The following NIPSNAP1 variants were observed in gnomAD, a reference collection of about 807,000 sequenced individuals.
NIPSNAP1 encodes the protein protein NipSnap homolog 1.
A neutral mutation model predicts 49.2 loss-of-function variants in NIPSNAP1; 25 were observed. That is an observed-to-expected ratio of 0.51 (90% CI 0.37 to 0.71). The LOEUF (loss-of-function observed/expected upper bound fraction) is 0.71. Among genes scored for constraint, NIPSNAP1 ranks in the 30% least tolerant of loss-of-function variants. NIPSNAP1 has a pLI of 0.00. For missense variants in NIPSNAP1, 294 were observed against 361.0 expected, an observed-to-expected ratio of 0.81 and a Z score of 1.50; for synonymous variants, 143 against 140.7, an observed-to-expected ratio of 1.02 and a Z score of -0.12.
At chr22:29,572,150 A>C (rs1218116974) in intron 1 of NIPSNAP1, among the ~76,000 whole-genome samples, 1 of 151,800 alleles carries the variant, frequency 6.6e-6, no homozygotes, top group Non-Finnish European at 1.5e-5. Flanking sequence ...TAAAAATACA[A>C]AAATCAGCCA....
chr22:29,561,537 T>C lies in NIPSNAP1; in HGVS notation c.548A>G (p.Asn183Ser), dbSNP rs2064335671. 2.5e-6 allele frequency: 4 copies of C among 1,614,000 alleles called. No homozygotes were observed. Among genetic ancestry groups the C allele is most frequent in the Non-Finnish European group, 3.4e-6 (4 of 1,180,024 alleles). ...WNEPQPRMGP[N>S]IYELRTYKLK... ...CTTGTATGTCCTCAGCTCATAGATG[T>C]TGGGACCCATTCTGGGCTGTGGCTC... Residue 183 changes from asparagine (N) to serine (S), a missense_variant, in exon 6 of 10, where the codon AAC becomes AGC. Asn to Ser is a conservative substitution (Grantham distance 46). Transcript: ENST00000216121.
chr22:29,572,923 T>C (rs2064421399), intron 1 of NIPSNAP1, among the ~76,000 whole-genome samples: 1 of 151,638 alleles, frequency 6.6e-6, no homozygotes, highest in Admixed American at 6.6e-5. Flanking sequence ...AAGGCTACAA[T>C]GAACTATGAT....
In NIPSNAP1 at chr22:29,560,813, C is replaced by T; in HGVS notation, c.627G>A (p.Lys209=). ...EWGNNWARAI[K]YRQENQEAVG... ...CTGCCTCCTGGTTCTCCTGCCGGTA[C>T]TTGATGGCCCGAGCCCTGGAGAAGG... The change falls in exon 8 of 10, where the codon AAG becomes AAA. Residue 209 remains lysine (K), a synonymous_variant. Coordinates refer to ENST00000216121, the MANE Select transcript of NIPSNAP1 (RefSeq NM_003634.4). 2 of 1,614,100 alleles carry T rather than the reference C, an allele frequency of 1.2e-6. No homozygotes were observed. Among genetic ancestry groups the T allele is most frequent in the Non-Finnish European group, 1.7e-6 (2 of 1,180,022 alleles).
intron 3 of NIPSNAP1, 36 bp from the exon 4 acceptor site, chr22:29,569,323 T>A (rs369353591): frequency 6.6e-7 from 1 of 1,508,616 alleles, no homozygotes; most frequent in Non-Finnish European, 9.2e-7. Context: ...AGGGTTCACA[T>A]AGCCACCAGG....
intron 8 of NIPSNAP1, among the ~76,000 whole-genome samples, chr22:29,560,182 T>C (rs2064324905): frequency 6.6e-6 from 1 of 152,148 alleles, no homozygotes; most frequent in African/African-American, 2.4e-5. Flanking sequence ...AGAGAGGCAT[T>C]ATTTGTCTAC....
At chr22:29,580,358 A>G (rs2064488662) in intron 1 of NIPSNAP1, 1 of 794,482 alleles carries the variant, frequency 1.3e-6, no homozygotes, top group South Asian at 5.8e-5. Flanking sequence ...GCCCAGGCTG[A>G]GAGCACATGG....
intron 1 of NIPSNAP1, among the ~76,000 whole-genome samples, chr22:29,570,925 C>T (rs1297835971): frequency 6.6e-6 from 1 of 152,062 alleles, no homozygotes. Flanking sequence ...GACAACCCAA[C>T]CTAACTTGTC....
rs547074832 is a variant in NIPSNAP1, at chr22:29,568,251, G to A, written c.367+942C>T. 3.5e-3 allele frequency among the ~76,000 whole-genome samples: 525 copies of A among 149,060 alleles called. 2 individuals are homozygous for A. The highest frequency in any genetic ancestry group is 6.1e-3 in the Non-Finnish European group (415 of 67,516). ...TGTAATCCCAGCACTTTGGGAGGCC[G>A]AGGCAGGTGGATCACCTGAGGTCAG... On this transcript the variant is annotated intron_variant, in intron 4 of 9. Transcript: ENST00000216121.
rs1013834733 is a variant in NIPSNAP1 at position 29,578,653 on chromosome 22, G to C, written c.98+2332C>G. On this transcript the variant is annotated intron_variant, in intron 1 of 9. Transcript: ENST00000216121. ...TATCCAATGTGGAATTAAGGTATAA[G>C]TAACTGCAAGACAGTCCTTGAGGGA... 4.0e-5 allele frequency among the ~76,000 whole-genome samples: 6 copies of C among 151,428 alleles called. 2 individuals carry two copies. Among genetic ancestry groups the C allele is most frequent in the Admixed American group, 3.3e-4 (5 of 15,264 alleles).
intron 4 of NIPSNAP1, among the ~76,000 whole-genome samples, chr22:29,564,568 C>T (rs184811785): frequency 1.2e-4 from 19 of 152,210 alleles, no homozygotes; most frequent in African/African-American, 4.3e-4. Flanking sequence ...CGCATGCCAC[C>T]ACGCCCAGCT....
chr22:29,559,445 G>A (rs142876383), intron 8 of NIPSNAP1, among the ~76,000 whole-genome samples: 2 of 152,154 alleles, frequency 1.3e-5, no homozygotes, highest in Non-Finnish European at 2.9e-5. Context: ...CGTGAGGCAC[G>A]AGAATCACTT....
chr22:29,561,471 TG>T (rs748445665), intron 6 of NIPSNAP1, 34 bp downstream of exon 6: 2 of 1,613,068 alleles, frequency 1.2e-6, no homozygotes, highest in Non-Finnish European at 8.5e-7. Flanking sequence ...GCAGGGAAAT[TG>T]GGGGGCAGGA....
At chr22:29,559,718 A>G (rs893977201) in intron 8 of NIPSNAP1, among the ~76,000 whole-genome samples, 2 of 151,802 alleles carry the variant, frequency 1.3e-5, no homozygotes, top group African/African-American at 2.4e-5. Flanking sequence ...ATTCATCCAC[A>G]AGTCCTGTTG....
intron 4 of NIPSNAP1, among the ~76,000 whole-genome samples, chr22:29,562,994 G>A (rs2064346263): frequency 6.6e-6 from 1 of 151,982 alleles, no homozygotes; most frequent in South Asian, 2.1e-4. Flanking sequence ...AGCTACTCGG[G>A]AGGCTGAAGC....
At position 29,581,075 on chromosome 22, in the gene NIPSNAP1, G is replaced by T. The variant is rs920627402; in HGVS notation, c.8C>A (p.Pro3Gln). The T allele has an allele frequency of 1.9e-6, 3 of 1,541,632 alleles. No homozygotes were observed. The highest frequency in any genetic ancestry group is 1.4e-5 in the African/African-American group (1 of 72,770). The change falls in exon 1 of 10, where the codon CCG (proline) becomes CAG (glutamine). Residue 3 changes from proline (P) to glutamine (Q), a missense_variant. By Grantham distance (76) the Pro-to-Gln change is moderately conservative. Transcript: ENST00000216121. ...CGTCACAGAGATGCTGCACAGCCGCGGAGCCATGTTGGAGCCGCAAAGGTT... is the reference window on the plus strand; with the variant it reads ...CGTCACAGAGATGCTGCACAGCCGCTGAGCCATGTTGGAGCCGCAAAGGTT... MA[P>Q]RLCSISVTAR...
chr22:29,561,145 A>G (rs2064332494), intron 7 of NIPSNAP1, 26 bp downstream of exon 7: 3 of 1,607,310 alleles, frequency 1.9e-6, no homozygotes, highest in Non-Finnish European at 2.6e-6. Flanking sequence ...GCCTCCCCCA[A>G]CCCCAGTCTT....
chr22:29,575,857 G>A (rs1040447191), intron 1 of NIPSNAP1, among the ~76,000 whole-genome samples: 3 of 151,948 alleles, frequency 2.0e-5, no homozygotes, highest in African/African-American at 2.4e-5. Context: ...TGGGACTACA[G>A]GCATGTGCCA....
chr22:29,562,703 G>A (rs1474078009), intron 4 of NIPSNAP1, among the ~76,000 whole-genome samples: 2 of 151,974 alleles, frequency 1.3e-5, no homozygotes, highest in Non-Finnish European at 2.9e-5. Flanking sequence ...AAAAAAAAGA[G>A]ATTGACAGTA....
chr22:29,580,179 A>T (rs564590784), intron 1 of NIPSNAP1: 1 of 1,304,044 alleles, frequency 7.7e-7, no homozygotes, highest in South Asian at 1.2e-5. Context: ...GAAAAATGAG[A>T]TCATGGTCTA....
Sources: allele counts gnomAD v4.1 joint callset (sites outside exome capture counted in the v4.1 genomes callset), GRCh38; gene constraint gnomAD v4.1.1; transcripts MANE v1.5; gene names NCBI Gene and HGNC (gene_info 2026-07-23, HGNC 2026-07-21).